The following MTMR3 variants were observed in gnomAD, a reference collection of about 807,000 sequenced individuals.
The protein encoded by MTMR3 is myotubularin related protein 3.
MTMR3 carries 32 observed loss-of-function variants against 132.4 expected under a neutral mutation model. The ratio of observed to expected loss-of-function variants is 0.24; its 90% CI spans 0.18 to 0.32. MTMR3 has a LOEUF of 0.32. MTMR3 is among the 10% of genes least tolerant of loss of function. The probability of loss-of-function intolerance (pLI) is 1.00; values close to 1 mark genes in which losing one functional copy is unlikely to be tolerated. For synonymous variants in MTMR3, 556 were observed against 550.3 expected, an observed-to-expected ratio of 1.01 and a Z score of -0.14; for missense variants, 1,216 against 1,489.6, an observed-to-expected ratio of 0.82 and a Z score of 3.02.
intron 1 of MTMR3, among the ~76,000 whole-genome samples, chr22:29,897,498 A>G (rs1449221436): frequency 6.6e-6 from 1 of 152,088 alleles, no homozygotes; most frequent in Non-Finnish European, 1.5e-5. Flanking sequence ...TGTTGCCCAT[A>G]CTGATGTGCA....
chr22:30,001,026 G>A (rs1354558856), intron 8 of MTMR3: 6 of 150,840 alleles, frequency 4.0e-5, no homozygotes, highest in Non-Finnish European at 8.8e-5. Flanking sequence ...GGCCAAGATA[G>A]AGGATTGATT....
At chr22:29,897,226 G>C (rs1455227542) in intron 1 of MTMR3, among the ~76,000 whole-genome samples, 1 of 151,672 alleles carries the variant, frequency 6.6e-6, no homozygotes, top group African/African-American at 2.4e-5. Flanking sequence ...ACAGGTGCAC[G>C]CCACCATGCC....
At chr22:29,913,257 C>G (rs1475904942) in intron 1 of MTMR3, among the ~76,000 whole-genome samples, 1 of 152,086 alleles carries the variant, frequency 6.6e-6, no homozygotes, top group African/African-American at 2.4e-5. Context: ...AAAACAAAAA[C>G]AGAAACAAAG....
At chr22:29,996,236 C>T (rs1018029765) in intron 7 of MTMR3, 3 of 152,166 alleles carry the variant, frequency 2.0e-5, no homozygotes, top group African/African-American at 7.2e-5. Flanking sequence ...GAAGTCACTG[C>T]CTTAGAGGAT....
rs1227028094 is a variant in MTMR3, at chr22:29,903,414, A to T, written c.-138+20055A>T. Among the ~76,000 whole-genome samples, 4 of 122,224 alleles carry T rather than the reference A, an allele frequency of 3.3e-5. No individual in the cohort carries two copies. The East Asian group carries it at 9.6e-4, about 29-fold the overall frequency. 80.2% of individuals were successfully genotyped at this position (122,224 alleles called of 152,430 possible). ...TCTTTTTTTTTTTTTTTTTTGAGACAGGGTCTTACTGTCATCCAGGCTGGA... is the reference window on the plus strand; with the variant it reads ...TCTTTTTTTTTTTTTTTTTTGAGACTGGGTCTTACTGTCATCCAGGCTGGA... On this transcript the variant is annotated intron_variant, in intron 1 of 19. Coordinates refer to ENST00000401950, the MANE Select transcript of MTMR3 (RefSeq NM_021090.4).
chr22:29,982,965 G>GTT (rs926329309), intron 5 of MTMR3: 3 of 128,062 alleles, frequency 2.3e-5, no homozygotes, highest in African/African-American at 7.8e-5. Context: ...GTGTGTGTGT[G>GTT]TGTGTGTGTG....
At chr22:29,902,216 A>G (rs191077140) in intron 1 of MTMR3, among the ~76,000 whole-genome samples, 1 of 152,280 alleles carries the variant, frequency 6.6e-6, no homozygotes, top group East Asian at 1.9e-4. Context: ...CTTATAATAT[A>G]AACTGTAAGT....
chr22:29,922,390 C>G (rs1224000747), intron 1 of MTMR3, among the ~76,000 whole-genome samples: 11 of 151,976 alleles, frequency 7.2e-5, no homozygotes, highest in African/African-American at 2.7e-4. Flanking sequence ...ATCCATTTAT[C>G]TGTTGATGGA....
chr22:29,988,646 A>G, intron 6 of MTMR3, 84 bp downstream of exon 6: 1 of 1,003,146 alleles, frequency 1.0e-6, no homozygotes, highest in Non-Finnish European at 1.5e-6. Flanking sequence ...TAACTTAGTA[A>G]AATACCTTTT....
intron 1 of MTMR3, among the ~76,000 whole-genome samples, chr22:29,925,801 G>C (rs1160210010): frequency 6.6e-6 from 1 of 152,160 alleles, no homozygotes; most frequent in African/African-American, 2.4e-5. Context: ...TGTGGTCCCA[G>C]CTGTTTGGGA....
At chr22:29,978,834 C>A in intron 4 of MTMR3, 102 bp from the exon 5 acceptor site, 1 of 879,770 alleles carries the variant, frequency 1.1e-6, no homozygotes, top group Admixed American at 2.1e-5. Flanking sequence ...GTGTTTTCAA[C>A]TTCAGTGGCA....
intron 1 of MTMR3, among the ~76,000 whole-genome samples, chr22:29,932,452 T>C (rs1047080188): frequency 2.0e-5 from 3 of 152,196 alleles, no homozygotes; most frequent in Non-Finnish European, 4.4e-5. Context: ...GGGTACTAAA[T>C]TGGTATAACT....
chr22:29,966,726 CGTGTGTGTGTGTGT>C (rs55960706), intron 2 of MTMR3, among the ~76,000 whole-genome samples: 3,112 of 142,932 alleles, frequency 0.022, 93 homozygotes, highest in African/African-American at 0.064. Context: ...TAGGGGTGTG[CGTGTGTGTGTGTGT>C]GTGTGTGTGT....
chr22:29,981,224 T>G (rs922314972), intron 5 of MTMR3: 15 of 152,374 alleles, frequency 9.8e-5, no homozygotes, highest in Non-Finnish European at 1.6e-4. Context: ...GGTGCCACAA[T>G]ATTCAGTAAA....
chr22:29,931,421 T>C (rs2065641333), intron 1 of MTMR3, among the ~76,000 whole-genome samples: 1 of 152,062 alleles, frequency 6.6e-6, no homozygotes, highest in African/African-American at 2.4e-5. Context: ...GTTTTTTTGT[T>C]TTATTTTGTT....
intron 2 of MTMR3, 23 bp from the exon 3 acceptor site, chr22:29,970,953 C>A: frequency 2.1e-6 from 1 of 477,930 alleles, no homozygotes; most frequent in Non-Finnish European, 3.4e-6. Flanking sequence ...TTTCTTCTTC[C>A]CCCTCTTCCC....
At chr22:29,898,682 G>T (rs760019633) in intron 1 of MTMR3, among the ~76,000 whole-genome samples, 1 of 152,070 alleles carries the variant, frequency 6.6e-6, no homozygotes, top group Non-Finnish European at 1.5e-5. Flanking sequence ...TATTATAGGC[G>T]TGAGCCACCG....
intron 1 of MTMR3, among the ~76,000 whole-genome samples, chr22:29,932,563 C>A (rs2065667343): frequency 6.6e-6 from 1 of 152,090 alleles, no homozygotes; most frequent in Admixed American, 6.5e-5. Context: ...CAGAGATAGT[C>A]TTATGCAGCA....
chr22:29,894,008 G>T (rs2064846315), intron 1 of MTMR3, among the ~76,000 whole-genome samples: 1 of 152,040 alleles, frequency 6.6e-6, no homozygotes, highest in Admixed American at 6.6e-5. Flanking sequence ...ACCACAGCCA[G>T]CTGATTTTTT....
Sources: gnomAD v4.1 joint callset for allele counts (sites outside exome capture counted in the v4.1 genomes callset) on GRCh38, gnomAD v4.1.1 for gene constraint, MANE v1.5 for transcripts, NCBI Gene and HGNC (gene_info 2026-07-23, HGNC 2026-07-21) for gene names.